Variants in PTK2 observed in about 807,000 individuals in gnomAD.
The protein encoded by PTK2 is focal adhesion kinase 1.
Under a neutral mutation model 150.1 loss-of-function variants are expected in PTK2, and 45 were observed. The observed-to-expected ratio is 0.30, with a 90% CI of 0.24 to 0.38. The LOEUF (loss-of-function observed/expected upper bound fraction) is 0.38. Among genes scored for constraint, PTK2 ranks in the 10% least tolerant of loss-of-function variants. The pLI is 1.00. For synonymous variants in PTK2, 432 were observed against 449.2 expected (o/e 0.96, Z 0.48); for missense variants, 919 against 1,307.3 (o/e 0.70, Z 4.58).
intron 6 of PTK2, 44 bp from the exon 7 acceptor site, chr8:140,846,366 T>C: frequency 6.4e-7 from 1 of 1,573,064 alleles, no homozygotes; most frequent in Non-Finnish European, 8.7e-7. Flanking sequence ...ATATAAGGAA[T>C]GTTTGTGTTG....
intron 14 of PTK2, among the ~76,000 whole-genome samples, chr8:140,783,897 G>A (rs542575966): frequency 9.2e-5 from 14 of 152,136 alleles, no homozygotes; most frequent in African/African-American, 2.9e-4. Context: ...GGTGGCTCAC[G>A]ACTAATTTTA....
At chr8:140,942,779 TG>T (rs2100176318) in intron 1 of PTK2, among the ~76,000 whole-genome samples, 1 of 152,246 alleles carries the variant, frequency 6.6e-6, no homozygotes, top group Non-Finnish European at 1.5e-5. Context: ...TGATAAGGAC[TG>T]GATCTGTTTC....
intron 5 of PTK2, among the ~76,000 whole-genome samples, chr8:140,863,539 C>T (rs1241099406): frequency 1.3e-5 from 2 of 152,184 alleles, no homozygotes; most frequent in African/African-American, 4.8e-5. Context: ...TTCTCTCTCC[C>T]CTCCGTGTTC....
intron 1 of PTK2, among the ~76,000 whole-genome samples, chr8:140,968,895 G>A (rs1307629920): frequency 1.3e-5 from 2 of 152,240 alleles, no homozygotes; most frequent in Non-Finnish European, 1.5e-5. Flanking sequence ...TCCTATGGGG[G>A]CTGGAAGAGG....
rs527677497 is a variant in PTK2 at position 140,817,883 on chromosome 8, T to C, written c.867+394A>G. Among the ~76,000 whole-genome samples, 12 of 152,200 alleles carry C rather than the reference T, an allele frequency of 7.9e-5. No individual in the cohort carries two copies. The South Asian group carries it at 2.3e-3, about 29-fold the overall frequency. On this transcript the variant is annotated intron_variant, in intron 10 of 31. Coordinates refer to ENST00000522684, the Ensembl canonical transcript of PTK2. ...AAGGTTAATAAGGCTTTCAAGAGAA[T>C]TGTGAATGTATAATTTTTTTTTTTC...
chr8:140,935,965 G>A (rs1338268033), intron 1 of PTK2, among the ~76,000 whole-genome samples: 1 of 152,014 alleles, frequency 6.6e-6, no homozygotes, highest in Admixed American at 6.6e-5. Flanking sequence ...TCTTTTAAGA[G>A]TAGATCAGAG....
chr8:140,792,537 T>G (rs1057203997), intron 13 of PTK2, among the ~76,000 whole-genome samples: 2 of 152,220 alleles, frequency 1.3e-5, no homozygotes, highest in Non-Finnish European at 2.9e-5. Context: ...GTCCTGTGAC[T>G]CCTAGATCTT....
Position 140,912,363 on chromosome 8 carries a change from G to T in PTK2, c.-33+13298C>A, listed in dbSNP as rs1348532915. ...AAAAAAAAATTCATACTTGAGTACA[G>T]TGGCTCGTGCCTGTCAGGTACTCAG... is the stretch of plus-strand genomic sequence containing the variant. On this transcript the variant is annotated intron_variant, in intron 2 of 31. Coordinates refer to ENST00000522684, the Ensembl canonical transcript of PTK2. Among the ~76,000 whole-genome samples, 4 of 151,606 alleles carry T rather than the reference G, an allele frequency of 2.6e-5. No homozygotes were observed. In the East Asian group the frequency reaches 5.8e-4, roughly 22 times the overall value.
At chr8:140,672,068 A>C (rs2095592994) in intron 29 of PTK2, 4 of 411,316 alleles carry the variant, frequency 9.7e-6, no homozygotes, top group South Asian at 7.0e-5. Flanking sequence ...ATGTTTCATA[A>C]TGATGTCAGA....
chr8:140,694,800 C>T lies in PTK2; in HGVS notation c.2499+6091G>A, dbSNP rs983220129. On this transcript the variant is annotated intron_variant, in intron 26 of 31. Transcript: ENST00000522684. ...GATATAATTACCATTGTTAGAGTCT[C>T]TTCACCAAATTAAGGACCATAAAGC... Among the ~76,000 whole-genome samples, 5 of 152,198 alleles carry T rather than the reference C, an allele frequency of 3.3e-5. 1 individual carries two copies. The highest frequency in any genetic ancestry group is 2.0e-4 in the Admixed American group (3 of 15,288).
chr8:140,706,184 T>G, exon 24 of PTK2: 3 of 1,613,420 alleles, frequency 1.9e-6, no homozygotes, highest in Non-Finnish European at 1.7e-6. Flanking sequence ...GACCTCGGAC[T>G]GGGATAACCC....
chr8:140,992,632 T>C (rs1401715437), intron 1 of PTK2, among the ~76,000 whole-genome samples: 1 of 152,170 alleles, frequency 6.6e-6, no homozygotes, highest in Non-Finnish European at 1.5e-5. Context: ...CCCCTGGAGC[T>C]TACTGGAACG....
chr8:140,987,641 A>T (rs975365953), intron 1 of PTK2, among the ~76,000 whole-genome samples: 1 of 152,238 alleles, frequency 6.6e-6, no homozygotes, highest in Non-Finnish European at 1.5e-5. Flanking sequence ...AATGTACAAG[A>T]CTGACAATAA....
chr8:140,815,058 GC>G (rs1212124690), intron 10 of PTK2, among the ~76,000 whole-genome samples: 1 of 152,106 alleles, frequency 6.6e-6, no homozygotes, highest in African/African-American at 2.4e-5. Context: ...ACAGGTGTGA[GC>G]CACCGCGCCC....
At chr8:140,775,260 A>C (rs781040943) in intron 14 of PTK2, among the ~76,000 whole-genome samples, 2 of 152,116 alleles carry the variant, frequency 1.3e-5, no homozygotes, top group Non-Finnish European at 2.9e-5. Flanking sequence ...AGAGGTGGGC[A>C]GATCACCTGA....
chr8:140,930,437 T>G (rs1424464769), intron 1 of PTK2, among the ~76,000 whole-genome samples: 1 of 152,250 alleles, frequency 6.6e-6, no homozygotes, highest in Non-Finnish European at 1.5e-5. Flanking sequence ...TTTTGGTTTT[T>G]GTAGCTTCTT....
At chr8:140,868,593 G>A (rs576187259) in intron 4 of PTK2, among the ~76,000 whole-genome samples, 138 of 152,298 alleles carry the variant, frequency 9.1e-4, no homozygotes, top group African/African-American at 3.1e-3. Context: ...AGAACCACCT[G>A]TAAATTAAGT....
rs892773965 is a variant in PTK2, at chr8:140,860,478, T to A, written c.450+3834A>T. ...ATTCATGCATTTTGACAAATCATAG[T>A]ATTTTGTTTTTGTTGAGACAGGGCC... On this transcript the variant is annotated intron_variant, in intron 5 of 31. Coordinates refer to ENST00000522684, the Ensembl canonical transcript of PTK2. Among the ~76,000 whole-genome samples the A allele has an allele frequency of 2.6e-5, 4 of 152,106 alleles. No homozygotes were observed. The South Asian group carries it at 8.3e-4, about 32-fold the overall frequency.
At chr8:140,888,470 G>A (rs2100153082) in intron 3 of PTK2, among the ~76,000 whole-genome samples, 1 of 152,134 alleles carries the variant, frequency 6.6e-6, no homozygotes, top group African/African-American at 2.4e-5. Context: ...CTGATAATTT[G>A]CCAATTACTG....
Sources: gnomAD v4.1 joint callset for allele counts (sites outside exome capture counted in the v4.1 genomes callset) on GRCh38, gnomAD v4.1.1 for gene constraint, MANE v1.5 for transcripts, NCBI Gene and HGNC (gene_info 2026-07-23, HGNC 2026-07-21) for gene names.